The following PALD1 variants were observed in gnomAD, a reference collection of about 807,000 sequenced individuals.
PALD1 encodes paladin.
In PALD1, 57 loss-of-function variants were observed where a neutral mutation model predicts 96.0. The ratio of observed to expected loss-of-function variants is 0.59; its 90% CI spans 0.48 to 0.74. PALD1 has a LOEUF of 0.74. Among genes scored for constraint, PALD1 ranks in the 30% least tolerant of loss-of-function variants. The probability of loss-of-function intolerance (pLI) is 0.00; values close to 1 mark genes in which losing one functional copy is unlikely to be tolerated. For missense variants in PALD1, 1,063 were observed against 1,143.7 expected (o/e 0.93, Z 1.02); for synonymous variants, 464 against 473.6 (o/e 0.98, Z 0.26).
At chr10:70,473,445 A>T in the PALD1 span, among the ~76,000 whole-genome samples, 4 of 152,140 alleles carry the variant, frequency 2.6e-5, no homozygotes, top group Non-Finnish European at 5.9e-5. Flanking sequence ...CTGTCTATCT[A>T]TGGACCCTCA....
At chr10:70,537,980 C>A in intron 11 of PALD1, 74 bp downstream of exon 11, 2 of 1,139,874 alleles carry the variant, frequency 1.8e-6, no homozygotes, top group Non-Finnish European at 2.6e-6. Flanking sequence ...CAGTGACTGG[C>A]TTGCTGTGGA....
At chr10:70,498,261 A>T (rs1357468097) in intron 1 of PALD1, among the ~76,000 whole-genome samples, 2 of 152,146 alleles carry the variant, frequency 1.3e-5, no homozygotes, top group Non-Finnish European at 2.9e-5. Flanking sequence ...CATTTCTTTT[A>T]AAAAATGTTA....
chr10:70,531,765 G>A (rs1198868471), intron 5 of PALD1, among the ~76,000 whole-genome samples: 5 of 152,034 alleles, frequency 3.3e-5, no homozygotes, highest in Middle Eastern at 3.2e-3. Context: ...GGGAGGCCGA[G>A]GTGGGCAGGA....
intron 1 of PALD1, among the ~76,000 whole-genome samples, chr10:70,481,127 C>T (rs566753262): frequency 1.4e-4 from 22 of 152,292 alleles, no homozygotes; most frequent in African/African-American, 4.8e-4. Context: ...GGATGGGAAC[C>T]GACATTCCCA....
chr10:70,521,559 G>A (rs926470451), intron 1 of PALD1, among the ~76,000 whole-genome samples: 1 of 151,980 alleles, frequency 6.6e-6, no homozygotes, highest in African/African-American at 2.4e-5. Context: ...TCGAGATGGA[G>A]TCTTGCTCTG....
chr10:70,555,556 G>T (rs1847589297), intron 18 of PALD1, among the ~76,000 whole-genome samples: 1 of 152,220 alleles, frequency 6.6e-6, no homozygotes, highest in Non-Finnish European at 1.5e-5. Context: ...GACTGCCTGG[G>T]TTGGTGCAGA....
intron 1 of PALD1, among the ~76,000 whole-genome samples, chr10:70,516,335 T>C (rs1204409263): frequency 6.6e-6 from 1 of 152,132 alleles, no homozygotes; most frequent in Non-Finnish European, 1.5e-5. Flanking sequence ...AGTTTTTCCA[T>C]GTTGGTCAGG....
chr10:70,566,516 C>G (rs1847856733), intron 19 of PALD1, 65 bp from the exon 20 acceptor site: 2 of 1,257,668 alleles, frequency 1.6e-6, no homozygotes, highest in Non-Finnish European at 2.3e-6. Context: ...ATCTTCAGAA[C>G]TCAGTGGCCT....
chr10:70,529,208 G>GTC, intron 2 of PALD1, 21 bp from the exon 3 acceptor site: 1 of 273,318 alleles, frequency 3.7e-6, no homozygotes, highest in Non-Finnish European at 7.3e-6. Context: ...TTTCCATTCT[G>GTC]CCCCCCCCCC....
rs1847185512 is a variant in PALD1, at chr10:70,539,238, C to T, written c.1716C>T (p.Asp572=). 4 of 1,609,274 alleles carry T rather than the reference C, an allele frequency of 2.5e-6. No homozygotes were observed. Among genetic ancestry groups the T allele is most frequent in the South Asian group, 1.1e-5 (1 of 90,288 alleles). The stretch of plus-strand genomic sequence containing the variant: ...GGCCTGGGCCCCCTGTGGCTCCTGA[C>T]CAGCTGGAGGTGAGGCCCCCTGCCC... ...LRWPGPPVAP[D]QLETLEAQLK... Residue 572 remains aspartate, a synonymous_variant, in exon 14 of 20, where the codon GAC becomes GAT. Transcript: ENST00000263563. This position sits in a 1 kb window ranked among gnomAD's most constrained non-coding sequence, Gnocchi z 4.5.
intron 1 of PALD1, among the ~76,000 whole-genome samples, chr10:70,497,707 C>T (rs1001413372): frequency 6.6e-6 from 1 of 151,986 alleles, no homozygotes; most frequent in Non-Finnish European, 1.5e-5. Context: ...GCTGGGACTA[C>T]AGGCGTGTGC....
intron 1 of PALD1, among the ~76,000 whole-genome samples, chr10:70,499,067 C>T (rs1589176930): frequency 6.6e-6 from 1 of 152,242 alleles, no homozygotes; most frequent in Admixed American, 6.5e-5. Flanking sequence ...TAATCCTTAC[C>T]ATATCCCTAT....
chr10:70,474,696 T>A (rs1289375253), upstream of PALD1, among the ~76,000 whole-genome samples: 1 of 152,208 alleles, frequency 6.6e-6, no homozygotes, highest in African/African-American at 2.4e-5. Flanking sequence ...AAAAAAGGTT[T>A]GAACCTTGTG....
At chr10:70,475,837 T>A (rs1845815440), upstream of PALD1, among the ~76,000 whole-genome samples, 1 of 152,158 alleles carries the variant, frequency 6.6e-6, no homozygotes, top group Non-Finnish European at 1.5e-5. Flanking sequence ...TGTCGGGGCG[T>A]GAGTAACAGG....
the PALD1 span, among the ~76,000 whole-genome samples, chr10:70,463,538 A>AT: frequency 6.6e-6 from 1 of 152,140 alleles, no homozygotes; most frequent in Non-Finnish European, 1.5e-5. Flanking sequence ...CTAATTAATA[A>AT]TATTACTTTA....
At chr10:70,473,533 C>T in the PALD1 span, among the ~76,000 whole-genome samples, 1 of 152,324 alleles carries the variant, frequency 6.6e-6, no homozygotes, top group African/African-American at 2.4e-5. Context: ...ACTGTCCTCC[C>T]AGCCCACTAA....
At chr10:70,464,929 C>T in the PALD1 span, among the ~76,000 whole-genome samples, 1 of 149,916 alleles carries the variant, frequency 6.7e-6, no homozygotes, top group Admixed American at 6.7e-5. Context: ...TGCCCGGCCT[C>T]TATGTACACT....
the PALD1 span, among the ~76,000 whole-genome samples, chr10:70,463,697 G>A: frequency 6.6e-6 from 1 of 152,014 alleles, no homozygotes. Context: ...CATCAGATAA[G>A]GACTACAGGT....
intron 1 of PALD1, among the ~76,000 whole-genome samples, chr10:70,484,575 T>C (rs1436573077): frequency 6.6e-6 from 1 of 151,814 alleles, no homozygotes; most frequent in African/African-American, 2.4e-5. Context: ...AGTCTCGGTC[T>C]GTTACCCAGG....
Sources: gnomAD v4.1 joint callset for allele counts (sites outside exome capture counted in the v4.1 genomes callset) on GRCh38, gnomAD v4.1.1 for gene constraint, Gnocchi (gnomAD v3.1) non-coding constraint, MANE v1.5 for transcripts, NCBI Gene and HGNC (gene_info 2026-07-23, HGNC 2026-07-21) for gene names.